GPD2: variants seen among roughly 807,000 people sequenced by gnomAD.
The protein encoded by GPD2 is glycerol-3-phosphate dehydrogenase 2.
A neutral mutation model predicts 82.4 loss-of-function variants in GPD2; 54 were observed. The ratio of observed to expected loss-of-function variants is 0.66; its 90% CI spans 0.53 to 0.82. The LOEUF (loss-of-function observed/expected upper bound fraction) is 0.82, where lower values mean the gene tolerates loss of function less well. Among genes scored for constraint, GPD2 ranks in the 40% least tolerant of loss-of-function variants. The pLI, the probability that GPD2 is intolerant of heterozygous loss-of-function variation, is 0.00. For synonymous variants in GPD2, 288 were observed against 306.1 expected (o/e 0.94, Z 0.62); for missense variants, 748 against 896.2 (o/e 0.83, Z 2.11).
chr2:156,452,666 G>A (rs1428984771), intron 1 of GPD2, among the ~76,000 whole-genome samples: 1 of 152,236 alleles, frequency 6.6e-6, no homozygotes, highest in African/African-American at 2.4e-5. Context: ...GGGAGGGTTT[G>A]TTAGAACTAG....
chr2:156,485,309 A>G lies in GPD2; in HGVS notation c.102+9102A>G, dbSNP rs116126882. Among the ~76,000 whole-genome samples the G allele has an allele frequency of 5.9e-3, 904 of 152,322 alleles. 10 individuals carry two copies. Among genetic ancestry groups the G allele is most frequent in the African/African-American group, 0.021 (857 of 41,562 alleles). On this transcript the variant is annotated intron_variant, in intron 2 of 16. Transcript: ENST00000438166. Reference sequence around the variant, plus strand: ...GGAACTCATGGTTGAGTCATAAGCTACCTGTTTTGCTTAAAGAGCCATCAG... The same window carrying G: ...GGAACTCATGGTTGAGTCATAAGCTGCCTGTTTTGCTTAAAGAGCCATCAG...
In GPD2 at chr2:156,569,472, A is replaced by G. The variant is rs1373763812; in HGVS notation, c.1410A>G (p.Gln470=). 4 of 1,612,758 alleles carry G rather than the reference A, an allele frequency of 2.5e-6. No homozygotes were observed. The highest frequency in any genetic ancestry group is 3.4e-6 in the Non-Finnish European group (4 of 1,179,074). The change falls in exon 11 of 17, where the codon CAA becomes CAG. Residue 470 remains glutamine, a synonymous_variant. Transcript: ENST00000438166. ...GPSRTVGLFL[Q]GGKDWSPTLY... is the part of the protein sequence containing the mutation. ...GTAGAACAGTTGGGCTTTTCCTTCA[A>G]GGGGGTAAAGATTGGAGCCCCACAC... is the stretch of plus-strand genomic sequence containing the variant.
chr2:156,419,339 G>A, the GPD2 span, among the ~76,000 whole-genome samples: 50 of 152,130 alleles, frequency 3.3e-4, no homozygotes, highest in African/African-American at 1.2e-3. Flanking sequence ...GATTACAGGC[G>A]TGAGCCACCA....
the GPD2 span, among the ~76,000 whole-genome samples, chr2:156,427,834 C>T: frequency 7.9e-5 from 12 of 152,324 alleles, no homozygotes; most frequent in African/African-American, 2.9e-4. Context: ...TGCACTCCTT[C>T]TGGAGACTCT....
chr2:156,418,951 CTG>C, the GPD2 span, among the ~76,000 whole-genome samples: 1 of 151,254 alleles, frequency 6.6e-6, no homozygotes, highest in African/African-American at 2.4e-5. Flanking sequence ...TAGGGAGAGA[CTG>C]TGGGGTGTGA....
the GPD2 span, among the ~76,000 whole-genome samples, chr2:156,414,438 A>T: frequency 6.6e-6 from 1 of 152,230 alleles, no homozygotes; most frequent in African/African-American, 2.4e-5. Context: ...GTTCACATTA[A>T]AATTTAAAGA....
At chr2:156,424,166 C>A in the GPD2 span, among the ~76,000 whole-genome samples, 1 of 147,344 alleles carries the variant, frequency 6.8e-6, no homozygotes. Context: ...ATGAAGGACT[C>A]AGGTTACCTT....
intron 6 of GPD2, among the ~76,000 whole-genome samples, chr2:156,549,192 A>G (rs1686659441): frequency 6.6e-6 from 1 of 152,214 alleles, no homozygotes; most frequent in Non-Finnish European, 1.5e-5. Context: ...AAAAATACTC[A>G]TAAAAATTGT....
chr2:156,477,886 A>G lies in GPD2; in HGVS notation c.102+1679A>G, dbSNP rs548528792. ...TCAGAAGTGCACTTCTGTTTGGGACATGGGCATTAAGGGATTAGATTACTT... is the reference window on the plus strand; with the variant it reads ...TCAGAAGTGCACTTCTGTTTGGGACGTGGGCATTAAGGGATTAGATTACTT... On this transcript the variant is annotated intron_variant, in intron 2 of 16. Coordinates refer to ENST00000438166, the MANE Select transcript of GPD2 (RefSeq NM_000408.5). Among the ~76,000 whole-genome samples the G allele has an allele frequency of 3.4e-3, 519 of 152,300 alleles. 11 individuals are homozygous for G. The highest frequency in any genetic ancestry group is 0.012 in the African/African-American group (499 of 41,570).
At chr2:156,451,623 C>T (rs1382238933) in intron 1 of GPD2, among the ~76,000 whole-genome samples, 1 of 141,876 alleles carries the variant, frequency 7.0e-6, no homozygotes, top group Non-Finnish European at 1.5e-5. Flanking sequence ...AGGGGCTCCT[C>T]ACTTCCCAGT....
At chr2:156,504,352 T>G (rs1477703252) in intron 3 of GPD2, among the ~76,000 whole-genome samples, 1 of 151,964 alleles carries the variant, frequency 6.6e-6, no homozygotes, top group Non-Finnish European at 1.5e-5. Flanking sequence ...AATCCAAAGT[T>G]AAGTGCCCAA....
rs558542823 is a variant in GPD2 at position 156,584,041 on chromosome 2, T to C, written c.*1123T>C. On this transcript the variant is annotated 3_prime_UTR_variant, in exon 17 of 17. Transcript: ENST00000438166. ...AAGGTCATCATGGTTGCTTAAAGTC[T>C]TTCCCCTTCTGTACTCCATGGAAAT... The C allele has an allele frequency of 2.0e-5, 3 of 152,060 alleles. No individual in the cohort carries two copies. Among genetic ancestry groups the C allele is most frequent in the Non-Finnish European group, 2.9e-5 (2 of 67,930 alleles). 9.4% of individuals were successfully genotyped at this position (152,060 alleles called of 1,614,324 possible). A position where few individuals can be genotyped will look rare whatever the true frequency, so the allele number is the denominator to read the frequency against.
intron 2 of GPD2, among the ~76,000 whole-genome samples, chr2:156,484,474 G>A (rs1474302857): frequency 1.3e-5 from 2 of 152,126 alleles, no homozygotes; most frequent in Non-Finnish European, 2.9e-5. Flanking sequence ...CTATAAAAAC[G>A]AATGTTCCTA....
chr2:156,424,234 A>G, the GPD2 span, among the ~76,000 whole-genome samples: 1 of 152,166 alleles, frequency 6.6e-6, no homozygotes, highest in Non-Finnish European at 1.5e-5. Flanking sequence ...CCTATCATAG[A>G]ATATGAGATA....
chr2:156,479,289 G>T (rs180916250), intron 2 of GPD2, among the ~76,000 whole-genome samples: 2 of 152,242 alleles, frequency 1.3e-5, no homozygotes, highest in East Asian at 3.9e-4. Context: ...CTTTAATGCA[G>T]TTGCCTGAAT....
At chr2:156,449,854 T>TAAAAAAAAAAAAAAAAAAAAAA (rs1682490856) in intron 1 of GPD2, among the ~76,000 whole-genome samples, 1 of 5,424 alleles carries the variant, frequency 1.8e-4, no homozygotes. Flanking sequence ...CTACTAAATA[T>TAAAAAAAAAAAAAAAAAAAAAA]ACAAAAAAAA....
At chr2:156,489,680 CCTTCCTT>C (rs1684077768) in intron 2 of GPD2, among the ~76,000 whole-genome samples, 1 of 148,444 alleles carries the variant, frequency 6.7e-6, no homozygotes, top group African/African-American at 2.5e-5. Context: ...AGAGTTTTTT[CCTTCCTT>C]CTTCCTTCCT....
At chr2:156,459,135 T>G (rs1485853548) in intron 1 of GPD2, among the ~76,000 whole-genome samples, 1 of 152,208 alleles carries the variant, frequency 6.6e-6, no homozygotes, top group Non-Finnish European at 1.5e-5. Context: ...CAGAAAGGAT[T>G]AATTCCTACA....
At chr2:156,573,082 T>C (rs1028831839) in intron 13 of GPD2, among the ~76,000 whole-genome samples, 4 of 152,202 alleles carry the variant, frequency 2.6e-5, no homozygotes, top group Non-Finnish European at 5.9e-5. Context: ...TTTAAAGTAT[T>C]CTCATTCTGG....
Sources: allele counts gnomAD v4.1 joint callset (sites outside exome capture counted in the v4.1 genomes callset), GRCh38; gene constraint gnomAD v4.1.1; transcripts MANE v1.5; gene names NCBI Gene and HGNC (gene_info 2026-07-23, HGNC 2026-07-21).